Variants in OGA observed in about 807,000 individuals in gnomAD.
OGA encodes the protein O-GlcNAcase, also known as protein O-GlcNAcase.
OGA carries 21 observed loss-of-function variants against 102.0 expected under a neutral mutation model. That is an observed-to-expected ratio of 0.21 (90% CI 0.15 to 0.30). The LOEUF is 0.30. OGA is among the 10% of genes least tolerant of loss of function. The pLI, the probability that OGA is intolerant of heterozygous loss-of-function variation, is 1.00. For missense variants in OGA, 765 were observed against 1,107.8 expected (o/e 0.69, Z 4.39); for synonymous variants, 408 against 378.2 (o/e 1.08, Z -0.91).
At chr10:101,792,800 A>G in intron 12 of OGA, 39 bp downstream of exon 12, 1 of 1,420,534 alleles carries the variant, frequency 7.0e-7, no homozygotes, top group Non-Finnish European at 1.0e-6. Flanking sequence ...AGTGTGCACC[A>G]TACCCATACA....
chr10:101,793,861 T>C, intron 11 of OGA, 52 bp downstream of exon 11: 1 of 1,377,386 alleles, frequency 7.3e-7, no homozygotes, highest in Non-Finnish European at 1.0e-6. Flanking sequence ...CAACATAAGG[T>C]TTCTCATAAA....
intron 7 of OGA, among the ~76,000 whole-genome samples, chr10:101,801,445 A>G (rs1480821139): frequency 2.0e-5 from 3 of 152,076 alleles, no homozygotes; most frequent in Admixed American, 2.0e-4. Context: ...ATTAGCACAC[A>G]TAAGGCAACA....
At chr10:101,794,081 C>T (rs1344130577) in intron 10 of OGA, 83 bp from the exon 11 acceptor site, 10 of 920,600 alleles carry the variant, frequency 1.1e-5, no homozygotes, top group Non-Finnish European at 1.2e-5. Flanking sequence ...CTGACAAACA[C>T]TTCGTGGAAA....
chr10:101,816,948 G>A (rs918848940), intron 1 of OGA, among the ~76,000 whole-genome samples: 2 of 152,098 alleles, frequency 1.3e-5, no homozygotes, highest in African/African-American at 4.8e-5. Flanking sequence ...CAGACATCTA[G>A]GAAACTCTGA....
chr10:101,800,580 A>G (rs1053583246), intron 7 of OGA, among the ~76,000 whole-genome samples, 180 bp from the exon 8 acceptor site: 1 of 152,210 alleles, frequency 6.6e-6, no homozygotes, highest in Non-Finnish European at 1.5e-5. Context: ...AAACCACTTC[A>G]TATAGGATAG....
intron 14 of OGA, among the ~76,000 whole-genome samples, chr10:101,790,589 T>A (rs926009066): frequency 4.6e-5 from 7 of 152,202 alleles, no homozygotes; most frequent in African/African-American, 1.7e-4. Flanking sequence ...GACCATAACA[T>A]CTTTAAGTAT....
chr10:101,792,555 C>A, intron 12 of OGA: 2 of 284,884 alleles, frequency 7.0e-6, no homozygotes. Context: ...GATAATTAGT[C>A]TAAGGACAAC....
chr10:101,806,002 C>T (rs1202131067), intron 6 of OGA, 43 bp downstream of exon 6: 1 of 1,326,760 alleles, frequency 7.5e-7, no homozygotes, highest in African/African-American at 1.5e-5. Flanking sequence ...TCTGCAAGTC[C>T]TACTTAATTC....
intron 1 of OGA, among the ~76,000 whole-genome samples, chr10:101,817,279 G>A (rs2065643466): frequency 6.6e-6 from 1 of 152,176 alleles, no homozygotes; most frequent in Non-Finnish European, 1.5e-5. Context: ...TACAGTAGCT[G>A]GGAAAGAGGG....
rs1412998998 is a variant in OGA, at chr10:101,817,764, C to T, written c.199+60G>A. 3 of 1,515,368 alleles carry T rather than the reference C, an allele frequency of 2.0e-6. No homozygotes were observed. The Admixed American group carries it at 6.0e-5, about 30-fold the overall frequency. 93.9% of individuals were successfully genotyped at this position (1,515,368 alleles called of 1,614,324 possible). On this transcript the variant is annotated intron_variant, in intron 1 of 15. Coordinates refer to ENST00000361464, the MANE Select transcript of OGA (RefSeq NM_012215.5). ...AGAGTCTCCAAAATCCCCGCCACCA[C>T]CCTCCTCCCGAGGACAGAACGTGTT...
intron 12 of OGA, among the ~76,000 whole-genome samples, chr10:101,791,767 A>C (rs1372250223): frequency 6.6e-6 from 1 of 151,986 alleles, no homozygotes; most frequent in Non-Finnish European, 1.5e-5. Flanking sequence ...CCTGGGTTCA[A>C]GTGATTCTCC....
In OGA at chr10:101,818,177, G is replaced by C; in HGVS notation, c.-155C>G. The C allele has an allele frequency of 2.2e-6, 3 of 1,357,352 alleles. No homozygotes were observed. Among genetic ancestry groups the C allele is most frequent in the Middle Eastern group, 2.7e-4 (1 of 3,692 alleles). The allele number at this position is 1,357,352 out of a possible 1,614,324, so 84.1% of individuals were successfully genotyped here. A position where few individuals can be genotyped will look rare whatever the true frequency, so the allele number is the denominator to read the frequency against. On this transcript the variant is annotated 5_prime_UTR_variant, in exon 1 of 16. Transcript: ENST00000361464. The stretch of plus-strand genomic sequence containing the variant: ...CTGCCCTTCCCCCTCCCTCTCCGCA[G>C]GGACCCGAATGCCCGGATGAGAAGG...
chr10:101,788,571 GT>G (rs2065219518), intron 14 of OGA, among the ~76,000 whole-genome samples: 1 of 151,468 alleles, frequency 6.6e-6, no homozygotes, highest in Non-Finnish European at 1.5e-5. Context: ...CCCGTATCTA[GT>G]AAAAATACAA....
chr10:101,793,794 A>C (rs1186710346), intron 11 of OGA, 119 bp downstream of exon 11: 2 of 709,858 alleles, frequency 2.8e-6, no homozygotes, highest in Non-Finnish European at 4.8e-6. Context: ...ATGTAACTAA[A>C]TTGAATTTGG....
Position 101,818,258 on chromosome 10 carries a change from C to T in OGA, c.-236G>A. On this transcript the variant is annotated 5_prime_UTR_variant, in exon 1 of 16. Transcript: ENST00000361464. ...CCGCAGCCTCGGCTTTAAGCTGGGGCGCCAGAAGCCTAAGCGGAGAGCGAG... is the reference window on the plus strand; with the variant it reads ...CCGCAGCCTCGGCTTTAAGCTGGGGTGCCAGAAGCCTAAGCGGAGAGCGAG... The T allele has an allele frequency of 7.6e-7, 1 of 1,309,384 alleles. No homozygotes were observed. The highest frequency in any genetic ancestry group is 3.1e-5 in the East Asian group (1 of 31,898). 81.1% of individuals were successfully genotyped at this position (1,309,384 alleles called of 1,614,324 possible).
rs912705122 is a variant in OGA at position 101,818,432 on chromosome 10, C to T, written c.-410G>A. On this transcript the variant is annotated 5_prime_UTR_variant, in exon 1 of 16. Coordinates refer to ENST00000361464, the MANE Select transcript of OGA (RefSeq NM_012215.5). ...CTGCTGCTGCCTCCACCGCCCGCTTCCTGTTTATCCGCACTGCGCTTGCGC... is the reference window on the plus strand; with the variant it reads ...CTGCTGCTGCCTCCACCGCCCGCTTTCTGTTTATCCGCACTGCGCTTGCGC... 7 of 1,008,868 alleles carry T rather than the reference C, an allele frequency of 6.9e-6. No homozygotes were observed. Among genetic ancestry groups the T allele is most frequent in the Non-Finnish European group, 8.3e-6 (7 of 844,648 alleles). 62.5% of individuals were successfully genotyped at this position (1,008,868 alleles called of 1,614,324 possible).
chr10:101,802,727 A>T (rs1373573078), intron 7 of OGA, among the ~76,000 whole-genome samples: 1 of 152,114 alleles, frequency 6.6e-6, no homozygotes, highest in East Asian at 1.9e-4. Context: ...ATGAACATGC[A>T]TCTGCCCCAT....
intron 14 of OGA, 41 bp from the exon 15 acceptor site, chr10:101,787,564 C>T (rs540307957): frequency 6.5e-7 from 1 of 1,535,206 alleles, no homozygotes; most frequent in African/African-American, 1.4e-5. Context: ...AATAGTTACG[C>T]ATTAGATATC....
At chr10:101,790,266 T>G (rs896000468) in intron 14 of OGA, among the ~76,000 whole-genome samples, 5 of 48,606 alleles carry the variant, frequency 1.0e-4, no homozygotes, top group Admixed American at 9.9e-4. Context: ...TAATATCTTG[T>G]TTTTTTTTTT....
Sources: gnomAD v4.1 joint callset for allele counts (sites outside exome capture counted in the v4.1 genomes callset) on GRCh38, gnomAD v4.1.1 for gene constraint, MANE v1.5 for transcripts, NCBI Gene and HGNC (gene_info 2026-07-23, HGNC 2026-07-21) for gene names.